ZCCHC8: variants seen among roughly 807,000 people sequenced by gnomAD.
ZCCHC8 encodes the protein zinc finger CCHC domain-containing protein 8.
Under a neutral mutation model 70.6 loss-of-function variants are expected in ZCCHC8, and 27 were observed. The ratio of observed to expected loss-of-function variants is 0.38; its 90% CI spans 0.28 to 0.53. The LOEUF is 0.53. Ranked by LOEUF, ZCCHC8 falls within the 20% of genes least tolerant of loss-of-function variation. The pLI, the probability that ZCCHC8 is intolerant of heterozygous loss-of-function variation, is 0.81. For missense variants in ZCCHC8, 737 were observed against 876.9 expected (o/e 0.84, Z 2.01); for synonymous variants, 293 against 317.4 (o/e 0.92, Z 0.82).
chr12:122,488,228 C>T lies in ZCCHC8; in HGVS notation c.501+1158G>A, dbSNP rs114542959. 7.8e-4 allele frequency among the ~76,000 whole-genome samples: 118 copies of T among 152,196 alleles called. 1 individual carries two copies. The highest frequency in any genetic ancestry group is 2.2e-3 in the African/African-American group (93 of 41,524). On this transcript the variant is annotated intron_variant, in intron 5 of 13. Transcript: ENST00000633063. ...TGTATTTTCAGTAGAGACAAGGTTTCGCCATGACAGCCAGGCTGGTCTCGA... is the reference window on the plus strand; with the variant it reads ...TGTATTTTCAGTAGAGACAAGGTTTTGCCATGACAGCCAGGCTGGTCTCGA...
At chr12:122,480,646 A>G (rs903266681) in intron 10 of ZCCHC8, 1 of 163,992 alleles carries the variant, frequency 6.1e-6, no homozygotes, top group African/African-American at 2.4e-5. Context: ...TAGGCTGTGT[A>G]TTTTTAGTAG....
Position 122,489,462 on chromosome 12 carries a change from G to A in ZCCHC8, c.425C>T (p.Pro142Leu), listed in dbSNP as rs369425709. ...EKTSFNLLPQ[P>L]SSIVLEEDHK... Reference sequence around the variant, plus strand: ...GTCCTCCTCTAGCACAATACTGGATGGCTAATACAAAGAAAAACACATATT... The same window carrying A: ...GTCCTCCTCTAGCACAATACTGGATAGCTAATACAAAGAAAAACACATATT... Residue 142 changes from proline (P) to leucine (L), a missense_variant and splice_region_variant, in exon 5 of 14, where the codon CCA becomes CTA. Physicochemically the swap from Pro to Leu is moderately conservative, Grantham distance 98. Coordinates refer to ENST00000633063, the MANE Select transcript of ZCCHC8 (RefSeq NM_017612.5). The A allele has an allele frequency of 1.4e-5, 22 of 1,613,124 alleles. No individual in the cohort carries two copies. The highest frequency in any genetic ancestry group is 1.8e-5 in the Non-Finnish European group (21 of 1,179,580).
Position 122,498,855 on chromosome 12 carries a change from G to A in ZCCHC8, c.214C>T (p.Arg72Ter). 2.5e-6 allele frequency: 4 copies of A among 1,613,266 alleles called. No individual in the cohort carries two copies. The highest frequency in any genetic ancestry group is 1.1e-5 in the South Asian group (1 of 91,030). Residue 72 changes from arginine (R) to a stop codon, truncating the protein, a stop_gained, in exon 2 of 14, where the codon CGA becomes TGA. Transcript: ENST00000633063. LOFTEE classifies it high-confidence loss of function. ...GGTCGAGTCAGAATGTTCAATTTTCGTTTAAGTTCTTGATGTTATTATTTG... is the reference window on the plus strand; with the variant it reads ...GGTCGAGTCAGAATGTTCAATTTTCATTTAAGTTCTTGATGTTATTATTTG... ...QLRAENQELK[R>*]KLNILTRPSG...
intron 3 of ZCCHC8, 91 bp from the exon 4 acceptor site, chr12:122,490,658 G>A (rs1957727861): frequency 1.4e-6 from 1 of 695,924 alleles, no homozygotes; most frequent in Admixed American, 3.3e-5. Flanking sequence ...TTTCAAGTGT[G>A]AATGTTGTTG....
chr12:122,481,707 T>A, intron 9 of ZCCHC8, 43 bp from the exon 10 acceptor site: 1 of 1,595,850 alleles, frequency 6.3e-7, no homozygotes. Context: ...GAATTCTTAT[T>A]TGCATGAAAA....
chr12:122,491,011 A>G (rs1246114413), intron 3 of ZCCHC8: 2 of 152,680 alleles, frequency 1.3e-5, no homozygotes, highest in Admixed American at 1.3e-4. Flanking sequence ...CCTCCCAGAG[A>G]TTCTTAATAC....
In ZCCHC8 at chr12:122,474,139, C is replaced by T. The variant is rs371400716; in HGVS notation, c.1482G>A (p.Pro494=). 1.4e-5 allele frequency: 21 copies of T among 1,506,810 alleles called. No homozygotes were observed. The highest frequency in any genetic ancestry group is 4.2e-5 in the African/African-American group (3 of 71,188). The allele number at this position is 1,506,810 out of a possible 1,614,324, so 93.3% of individuals were successfully genotyped here. ...TCTGGGGTGAGTCACTGGGAGTCAG[C>T]GGCGGGGTGCCCTTTGGGAGTGGAG... The part of the protein sequence containing the change: ...FTPPLPKGTP[P]LTPSDSPQTR... Residue 494 remains proline, a synonymous_variant, in exon 14 of 14, where the codon CCG becomes CCA. Transcript: ENST00000633063.
intron 13 of ZCCHC8, among the ~76,000 whole-genome samples, chr12:122,476,739 TG>T (rs1361523330): frequency 3.3e-5 from 5 of 151,360 alleles, no homozygotes; most frequent in Admixed American, 3.3e-4. Context: ...ATGACAACCA[TG>T]GGCCAGGCAC....
At chr12:122,482,540 A>G (rs1349546974) in intron 8 of ZCCHC8, 95 bp downstream of exon 8, 52 of 877,204 alleles carry the variant, frequency 5.9e-5, no homozygotes, top group Non-Finnish European at 7.7e-5. Context: ...TAAAGGAACA[A>G]AGAAAGTTCC....
chr12:122,485,092 AC>A (rs1957607098), intron 5 of ZCCHC8, among the ~76,000 whole-genome samples: 1 of 152,090 alleles, frequency 6.6e-6, no homozygotes, highest in South Asian at 2.1e-4. Flanking sequence ...TATGCTTACG[AC>A]TTCTAAAGGT....
At position 122,473,859 on chromosome 12, in the gene ZCCHC8, T is replaced by TA. The variant is rs1957362197; in HGVS notation, c.1761dup (p.Thr588TyrfsTer15). 6.2e-7 allele frequency: 1 copy of TA among 1,613,850 alleles called. No homozygotes were observed. Among genetic ancestry groups the TA allele is most frequent in the Admixed American group, 1.7e-5 (1 of 59,984 alleles). On this transcript the variant is annotated frameshift_variant, in exon 14 of 14. Coordinates refer to ENST00000633063, the MANE Select transcript of ZCCHC8 (RefSeq NM_017612.5). LOFTEE classifies it low-confidence loss of function (END_TRUNC). ...GCATGTCCAGCTTCTGATTTCTTTG[T>TA]AAAAATCTCTGGTACCTCAGGCTCA...
chr12:122,482,263 CTATT>C (rs1357914798), intron 8 of ZCCHC8, 176 bp from the exon 9 acceptor site: 15 of 569,720 alleles, frequency 2.6e-5, no homozygotes, highest in Admixed American at 7.4e-5. Context: ...AAGGAGCAGT[CTATT>C]TATTACCTAT....
intron 2 of ZCCHC8, among the ~76,000 whole-genome samples, chr12:122,498,120 C>G (rs1957855899): frequency 6.7e-6 from 1 of 150,064 alleles, no homozygotes; most frequent in African/African-American, 2.5e-5. Flanking sequence ...CACATTTTAA[C>G]TATGTAAATA....
In ZCCHC8 at chr12:122,473,361, G is replaced by C; in HGVS notation, c.*136C>G. 2.9e-6 allele frequency: 3 copies of C among 1,035,540 alleles called. No individual in the cohort carries two copies. The highest frequency in any genetic ancestry group is 2.7e-6 in the Non-Finnish European group (2 of 728,454). 64.1% of individuals were successfully genotyped at this position (1,035,540 alleles called of 1,614,324 possible). A position where few individuals can be genotyped will look rare whatever the true frequency, so the allele number is the denominator to read the frequency against. ...CTCAGTCTTTCTTTAAAATAGGCTT[G>C]ACTTTGGAACATGAACCTTGGATAG... On this transcript the variant is annotated 3_prime_UTR_variant, in exon 14 of 14. Coordinates refer to ENST00000633063, the MANE Select transcript of ZCCHC8 (RefSeq NM_017612.5).
rs1400486799 is a variant in ZCCHC8, at chr12:122,471,839, A to G, written c.*1658T>C. On this transcript the variant is annotated 3_prime_UTR_variant, in exon 14 of 14. Transcript: ENST00000633063. ...CTCCCCCTGTTGGCCTGAGAGCAGG[A>G]TAACACTGCCTGAGACTAACAATTC... The G allele has an allele frequency of 2.6e-5, 4 of 152,198 alleles. No homozygotes were observed. The highest frequency in any genetic ancestry group is 9.6e-5 in the African/African-American group (4 of 41,452). The allele number at this position is 152,198 out of a possible 1,614,324, so 9.4% of individuals were successfully genotyped here.
At chr12:122,494,956 T>C (rs1957804492) in intron 2 of ZCCHC8, among the ~76,000 whole-genome samples, 1 of 152,148 alleles carries the variant, frequency 6.6e-6, no homozygotes, top group Non-Finnish European at 1.5e-5. Flanking sequence ...GAAATTTGAA[T>C]ATGGAGTTGG....
intron 7 of ZCCHC8, 67 bp from the exon 8 acceptor site, chr12:122,482,762 C>T (rs1957560854): frequency 7.3e-7 from 1 of 1,365,968 alleles, no homozygotes; most frequent in East Asian, 2.4e-5. Context: ...CAATAAAATT[C>T]TATATGACAG....
intron 1 of ZCCHC8, 141 bp from the exon 2 acceptor site, chr12:122,499,010 G>A: frequency 3.8e-6 from 3 of 793,464 alleles, no homozygotes; most frequent in Non-Finnish European, 6.1e-6. Flanking sequence ...CACTTATTGA[G>A]CTTCTATTTT....
In ZCCHC8 at chr12:122,483,178, A is replaced by C; in HGVS notation, c.671+101T>G. ...TCTAGCTCAATCTGTAATTAACCTT[A>C]GAGTAAACCAGCAGTAAAGAACATG... On this transcript the variant is annotated intron_variant, in intron 7 of 13. Transcript: ENST00000633063. This position sits in a 1 kb window ranked among gnomAD's most constrained non-coding sequence, Gnocchi z 4.4. 1.9e-6 allele frequency: 2 copies of C among 1,050,652 alleles called. No individual in the cohort carries two copies. The highest frequency in any genetic ancestry group is 2.8e-6 in the Non-Finnish European group (2 of 714,798). 65.1% of individuals were successfully genotyped at this position (1,050,652 alleles called of 1,614,324 possible).
Sources: gnomAD v4.1 joint callset for allele counts (sites outside exome capture counted in the v4.1 genomes callset) on GRCh38, gnomAD v4.1.1 for gene constraint, Gnocchi (gnomAD v3.1) non-coding constraint, MANE v1.5 for transcripts, NCBI Gene and HGNC (gene_info 2026-07-23, HGNC 2026-07-21) for gene names.